The following UBE2E1 variants were observed in gnomAD, a reference collection of about 807,000 sequenced individuals.
UBE2E1 encodes ubiquitin conjugating enzyme E2 E1, also known as ubiquitin-conjugating enzyme E2 E1.
Under a neutral mutation model 21.4 loss-of-function variants are expected in UBE2E1, and 6 were observed. That is an observed-to-expected ratio of 0.28 (90% confidence interval 0.15 to 0.55). The LOEUF (loss-of-function observed/expected upper bound fraction) is 0.55, where lower values mean the gene tolerates loss of function less well. Among genes scored for constraint, UBE2E1 ranks in the 20% least tolerant of loss-of-function variants. The pLI, the probability that UBE2E1 is intolerant of heterozygous loss-of-function variation, is 0.93. For synonymous variants in UBE2E1, 87 were observed against 82.7 expected, an observed-to-expected ratio of 1.05 and a Z score of -0.28; for missense variants, 142 against 236.5, an observed-to-expected ratio of 0.60 and a Z score of 2.62.
intron 3 of UBE2E1, among the ~76,000 whole-genome samples, chr3:23,830,774 T>C (rs1699851012): frequency 6.6e-6 from 1 of 152,242 alleles, no homozygotes. Flanking sequence ...AGTGGTCTCA[T>C]TGAAACATCA....
At chr3:23,807,204 G>C (rs1453171463) in intron 1 of UBE2E1, 33 bp from the exon 2 acceptor site, 20 of 1,535,030 alleles carry the variant, frequency 1.3e-5, no homozygotes, top group Admixed American at 2.1e-5. Flanking sequence ...TGCATGGTTT[G>C]TGTGTTTCTG....
intron 3 of UBE2E1, among the ~76,000 whole-genome samples, chr3:23,869,890 A>G (rs1700747411): frequency 6.6e-6 from 1 of 152,168 alleles, no homozygotes; most frequent in South Asian, 2.1e-4. Context: ...GGAGTGTTCC[A>G]GTTATTTATT....
chr3:23,885,454 A>G (rs1360648199), intron 3 of UBE2E1, among the ~76,000 whole-genome samples: 1 of 152,232 alleles, frequency 6.6e-6, no homozygotes, highest in Non-Finnish European at 1.5e-5. Flanking sequence ...GAGAGGGCTG[A>G]TTAAGAGCTC....
chr3:23,807,174 A>G (rs1699297495), intron 1 of UBE2E1, 63 bp from the exon 2 acceptor site: 3 of 1,395,692 alleles, frequency 2.1e-6, no homozygotes, highest in East Asian at 2.5e-5. Context: ...ACAGCACCCG[A>G]GTTCCTTATT....
At chr3:23,867,526 TAGATAAC>T (rs1700684364) in intron 3 of UBE2E1, among the ~76,000 whole-genome samples, 1 of 152,216 alleles carries the variant, frequency 6.6e-6, no homozygotes, top group African/African-American at 2.4e-5. Flanking sequence ...ATAATTATCT[TAGATAAC>T]AGTTGGTATT....
chr3:23,824,519 T>G (rs1381386666), intron 3 of UBE2E1, among the ~76,000 whole-genome samples: 2 of 152,246 alleles, frequency 1.3e-5, no homozygotes. Flanking sequence ...TTCCAAGATT[T>G]GAACTTTCTA....
intron 3 of UBE2E1, among the ~76,000 whole-genome samples, chr3:23,845,124 A>G (rs1367394498): frequency 1.3e-5 from 2 of 152,220 alleles, no homozygotes; most frequent in Non-Finnish European, 2.9e-5. Flanking sequence ...TATACAATGA[A>G]GAAAGAAAAT....
chr3:23,844,449 G>A (rs1407272408), intron 3 of UBE2E1, among the ~76,000 whole-genome samples: 2 of 152,012 alleles, frequency 1.3e-5, no homozygotes, highest in Non-Finnish European at 2.9e-5. Context: ...TATTCCAAGG[G>A]GTATACTCAT....
intron 3 of UBE2E1, among the ~76,000 whole-genome samples, chr3:23,857,384 G>A (rs965980356): frequency 2.6e-5 from 4 of 152,196 alleles, no homozygotes; most frequent in Non-Finnish European, 4.4e-5. Flanking sequence ...TGAAATGAAA[G>A]AAGAGAGGAG....
intron 3 of UBE2E1, among the ~76,000 whole-genome samples, chr3:23,881,509 G>A (rs1559494186): frequency 6.6e-6 from 1 of 152,046 alleles, no homozygotes; most frequent in Admixed American, 6.6e-5. Context: ...GGATAAGTGG[G>A]TTTTTTTAAA....
chr3:23,872,345 C>T (rs1354568161), intron 3 of UBE2E1, among the ~76,000 whole-genome samples: 2 of 147,488 alleles, frequency 1.4e-5, no homozygotes, highest in Non-Finnish European at 3.0e-5. Flanking sequence ...TTCGGCTCGG[C>T]ATCAGAGGGA....
Position 23,870,677 on chromosome 3 carries a change from T to TTTTTA in UBE2E1, c.204-16872_204-16868dup, listed in dbSNP as rs925884259. Among the ~76,000 whole-genome samples the TTTTTA allele has an allele frequency of 1.4e-5, 1 of 70,248 alleles. No homozygotes were observed. Among genetic ancestry groups the TTTTTA allele is most frequent in the Non-Finnish European group, 3.0e-5 (1 of 33,884 alleles). The allele number at this position is 70,248 out of a possible 152,430, so 46.1% of individuals were successfully genotyped here. On this transcript the variant is annotated intron_variant, in intron 3 of 5. Coordinates refer to ENST00000306627, the MANE Select transcript of UBE2E1 (RefSeq NM_003341.5). This position sits in a 1 kb window ranked among gnomAD's most constrained non-coding sequence, Gnocchi z 4.2. ...CTTCAAGTTCCTATTTAAAATTCTTTTTTTATTTTATTTTATTTTATTGAT... is the reference window on the plus strand; with the variant it reads ...CTTCAAGTTCCTATTTAAAATTCTTTTTTTATTTTATTTTATTTTATTTTATTGAT...
chr3:23,843,866 C>T (rs574735102), intron 3 of UBE2E1, among the ~76,000 whole-genome samples: 2 of 152,296 alleles, frequency 1.3e-5, no homozygotes, highest in South Asian at 4.2e-4. Flanking sequence ...CTTCTTTCAC[C>T]CAAATGCTTT....
chr3:23,871,733 C>T (rs1298980130), intron 3 of UBE2E1, among the ~76,000 whole-genome samples: 9 of 148,496 alleles, frequency 6.1e-5, no homozygotes, highest in East Asian at 4.1e-4. Flanking sequence ...ACATCCCAGA[C>T]GGGGCGGCGG....
At position 23,841,903 on chromosome 3, in the gene UBE2E1, C is replaced by A. The variant is rs1391300116; in HGVS notation, c.203+30393C>A. Among the ~76,000 whole-genome samples the A allele has an allele frequency of 2.0e-5, 3 of 152,070 alleles. No homozygotes were observed. The East Asian group carries it at 5.8e-4, about 29-fold the overall frequency. ...GTTTGGGGGTAGATGGTTTAGAGTT[C>A]TATTAGGAGAGAGATGAAGGTATTC... On this transcript the variant is annotated intron_variant, in intron 3 of 5. Coordinates refer to ENST00000306627, the MANE Select transcript of UBE2E1 (RefSeq NM_003341.5).
Position 23,842,326 on chromosome 3 carries a change from A to G in UBE2E1, c.203+30816A>G, listed in dbSNP as rs930091119. ...CAGTGGTGCAGTCACGACTCACTGC[A>G]GCCTCAACCTCATGGGCTCAGGCAG... On this transcript the variant is annotated intron_variant, in intron 3 of 5. Coordinates refer to ENST00000306627, the MANE Select transcript of UBE2E1 (RefSeq NM_003341.5). This position sits in a 1 kb window ranked among gnomAD's most constrained non-coding sequence, Gnocchi z 4.6. Among the ~76,000 whole-genome samples the G allele has an allele frequency of 2.0e-5, 3 of 151,178 alleles. No individual in the cohort carries two copies. Among genetic ancestry groups the G allele is most frequent in the Non-Finnish European group, 2.9e-5 (2 of 67,904 alleles).
At chr3:23,828,108 T>TAA in intron 3 of UBE2E1, among the ~76,000 whole-genome samples, 1 of 152,288 alleles carries the variant, frequency 6.6e-6, no homozygotes, top group African/African-American at 2.4e-5. Flanking sequence ...TGTGTTTGTC[T>TAA]CTCTGTCAAG....
intron 3 of UBE2E1, among the ~76,000 whole-genome samples, chr3:23,867,165 C>T (rs866081018): frequency 6.6e-6 from 1 of 150,814 alleles, no homozygotes; most frequent in South Asian, 2.1e-4. Context: ...TTATTTTCCT[C>T]ATCTTTAAAA....
At chr3:23,879,735 G>A (rs1408374446) in intron 3 of UBE2E1, among the ~76,000 whole-genome samples, 8 of 152,168 alleles carry the variant, frequency 5.3e-5, no homozygotes, top group Non-Finnish European at 8.8e-5. Flanking sequence ...AACAGTGCTC[G>A]CCCAGCAGTC....
Sources: gnomAD v4.1 joint callset for allele counts (sites outside exome capture counted in the v4.1 genomes callset) on GRCh38, gnomAD v4.1.1 for gene constraint, Gnocchi (gnomAD v3.1) non-coding constraint, MANE v1.5 for transcripts, NCBI Gene and HGNC (gene_info 2026-07-23, HGNC 2026-07-21) for gene names.